Variants in SLIT1 observed in about 807,000 individuals in gnomAD.
SLIT1 encodes slit homolog 1 protein.
Under a neutral mutation model 186.1 loss-of-function variants are expected in SLIT1, and 66 were observed. That is an observed-to-expected ratio of 0.35 (90% CI 0.29 to 0.44). The LOEUF (loss-of-function observed/expected upper bound fraction) is 0.44. SLIT1 is among the 20% of genes least tolerant of loss of function. SLIT1 has a pLI of 1.00. For missense variants in SLIT1, 1,638 were observed against 2,037.4 expected (o/e 0.80, Z 3.77); for synonymous variants, 761 against 833.8 (o/e 0.91, Z 1.50).
chr10:97,031,730 G>A, intron 23 of SLIT1, 53 bp from the exon 24 acceptor site: 1 of 1,430,364 alleles, frequency 7.0e-7, no homozygotes, highest in Non-Finnish European at 9.6e-7. Flanking sequence ...TGGCCCCTGT[G>A]GGCACAGCCG....
At chr10:97,136,431 CAAT>C (rs1173995628) in intron 4 of SLIT1, among the ~76,000 whole-genome samples, 1 of 152,178 alleles carries the variant, frequency 6.6e-6, no homozygotes, top group Admixed American at 6.5e-5. Context: ...AGGTCACCAA[CAAT>C]GTGTCCATAT....
chr10:97,119,569 G>A (rs1008116032), intron 4 of SLIT1, among the ~76,000 whole-genome samples: 6 of 152,026 alleles, frequency 3.9e-5, no homozygotes, highest in African/African-American at 1.4e-4. Flanking sequence ...GGGTTGCGAC[G>A]GGGCGGTGCG....
intron 20 of SLIT1, among the ~76,000 whole-genome samples, chr10:97,042,674 T>G (rs990264387): frequency 9.2e-5 from 14 of 152,150 alleles, no homozygotes; most frequent in African/African-American, 3.4e-4. Flanking sequence ...ATCCATACTT[T>G]CCCATTTTTT....
intron 4 of SLIT1, among the ~76,000 whole-genome samples, chr10:97,075,719 C>T (rs1009179882): frequency 6.6e-5 from 10 of 152,150 alleles, no homozygotes; most frequent in Admixed American, 2.0e-4. Context: ...TCGTCATCCC[C>T]GGGAAGTTTG....
At chr10:97,100,288 C>T (rs528389447) in intron 4 of SLIT1, among the ~76,000 whole-genome samples, 1 of 152,138 alleles carries the variant, frequency 6.6e-6, no homozygotes. Flanking sequence ...GAGTGGTTCA[C>T]CTGTGTGCAG....
At position 97,167,277 on chromosome 10, in the gene SLIT1, C is replaced by A. The variant is rs192552284; in HGVS notation, c.198-2387G>T. Reference sequence around the variant, plus strand: ...TGAGCCTCACTGTGTTGCACCCCAACCTGCTCCCTCTGCACCCCGGCCTTT... The same window carrying A: ...TGAGCCTCACTGTGTTGCACCCCAAACTGCTCCCTCTGCACCCCGGCCTTT... On this transcript the variant is annotated intron_variant, in intron 1 of 36. Coordinates refer to ENST00000266058, the MANE Select transcript of SLIT1 (RefSeq NM_003061.3). Among the ~76,000 whole-genome samples the A allele has an allele frequency of 4.9e-4, 74 of 152,350 alleles. 1 individual carries two copies. The highest frequency in any genetic ancestry group is 2.1e-3 in the Admixed American group (32 of 15,308).
chr10:97,013,132 A>G (rs1848425491), intron 30 of SLIT1, among the ~76,000 whole-genome samples: 2 of 152,188 alleles, frequency 1.3e-5, no homozygotes, highest in Admixed American at 1.3e-4. Context: ...ATATTATACA[A>G]CCTGCTGGTA....
Position 97,043,247 on chromosome 10 carries a change from C to A in SLIT1, c.1997+123G>T. ...GAGGGAGACTTCGAAATGTGGAACC[C>A]ACGTTTCAGCAAACCACGAAGACCC... On this transcript the variant is annotated intron_variant, in intron 19 of 36. Coordinates refer to ENST00000266058, the MANE Select transcript of SLIT1 (RefSeq NM_003061.3). This position sits in a 1 kb window ranked among gnomAD's most constrained non-coding sequence, Gnocchi z 7.0. 1 of 1,385,382 alleles carries A rather than the reference C, an allele frequency of 7.2e-7. No homozygotes were observed. Among genetic ancestry groups the A allele is most frequent in the South Asian group, 1.3e-5 (1 of 76,928 alleles). 85.8% of individuals were successfully genotyped at this position (1,385,382 alleles called of 1,614,324 possible). A position where few individuals can be genotyped will look rare whatever the true frequency, so the allele number is the denominator to read the frequency against.
chr10:97,159,403 C>T (rs548993069), intron 3 of SLIT1, among the ~76,000 whole-genome samples: 1 of 105,322 alleles, frequency 9.5e-6, no homozygotes, highest in Non-Finnish European at 2.2e-5. Flanking sequence ...TCAATACAAT[C>T]CTTAAAGCAA....
intron 4 of SLIT1, among the ~76,000 whole-genome samples, chr10:97,080,374 C>T (rs1446284824): frequency 6.6e-6 from 1 of 152,246 alleles, no homozygotes; most frequent in East Asian, 1.9e-4. Flanking sequence ...CCCTCACTAG[C>T]ATCCCCAGCG....
At chr10:97,025,999 A>T (rs922770555) in intron 25 of SLIT1, among the ~76,000 whole-genome samples, 14 of 152,026 alleles carry the variant, frequency 9.2e-5, no homozygotes, top group African/African-American at 3.4e-4. Context: ...GTCTAAAAGC[A>T]TGAGAAAAGC....
chr10:97,145,642 G>A (rs750249425), intron 4 of SLIT1, among the ~76,000 whole-genome samples: 4 of 152,162 alleles, frequency 2.6e-5, no homozygotes, highest in East Asian at 1.9e-4. Flanking sequence ...GGCTGGACCC[G>A]AGAAGACTGA....
intron 3 of SLIT1, among the ~76,000 whole-genome samples, chr10:97,159,591 A>T (rs1849999621): frequency 6.6e-6 from 1 of 152,192 alleles, no homozygotes; most frequent in South Asian, 2.1e-4. Flanking sequence ...TGCCTAGTTT[A>T]AAATGGAAAA....
rs1183970967 is a variant in SLIT1, at chr10:97,079,406, C to T, written c.414-13320G>A. ...ATGTGGTGAGCTGTATACTCACTGG[C>T]ACACTTTTCAGAATATATGTTATAC... On this transcript the variant is annotated intron_variant, in intron 4 of 36. Transcript: ENST00000266058. Among the ~76,000 whole-genome samples the T allele has an allele frequency of 2.0e-5, 3 of 152,140 alleles. No individual in the cohort carries two copies. In the East Asian group the frequency reaches 5.8e-4, roughly 29 times the overall value.
chr10:97,159,342 T>G (rs1014425805), intron 3 of SLIT1, among the ~76,000 whole-genome samples: 3 of 152,200 alleles, frequency 2.0e-5, no homozygotes, highest in African/African-American at 7.2e-5. Flanking sequence ...AGTTTACTTT[T>G]AAGGGCAGGC....
At chr10:97,011,203 G>A in intron 30 of SLIT1, 73 bp from the exon 31 acceptor site, 2 of 1,042,898 alleles carry the variant, frequency 1.9e-6, no homozygotes, top group Non-Finnish European at 1.5e-6. Context: ...AGCGCACCAG[G>A]GATCCCCCAC....
chr10:97,008,866 A>G (rs547003220), intron 31 of SLIT1, among the ~76,000 whole-genome samples: 1 of 150,338 alleles, frequency 6.7e-6, no homozygotes, highest in Non-Finnish European at 1.5e-5. Context: ...ATTTTTTATT[A>G]TTTATTTATT....
chr10:97,034,374 G>A, intron 23 of SLIT1, 97 bp downstream of exon 23: 1 of 877,304 alleles, frequency 1.1e-6, no homozygotes, highest in Non-Finnish European at 1.9e-6. Flanking sequence ...GGCGTCTGCA[G>A]GCGAGGGATC....
Position 97,043,000 on chromosome 10 carries a change from G to A in SLIT1, c.2065C>T (p.Arg689Cys), listed in dbSNP as rs1848702946. 1.9e-6 allele frequency: 3 copies of A among 1,614,240 alleles called. No homozygotes were observed. The highest frequency in any genetic ancestry group is 2.5e-6 in the Non-Finnish European group (3 of 1,180,048). The stretch of plus-strand genomic sequence containing the variant: ...CGCGGGTTCCCCGTCACGATCTTGC[G>A]CTTCCGTAGCCAGCCTCCTAGCCAG... ...LAWLGGWLRK[R>C]KIVTGNPRCQ... Residue 689 changes from arginine to cysteine, a missense_variant, in exon 20 of 37, where the codon CGC becomes TGC. Transcript: ENST00000266058.
Sources: allele counts gnomAD v4.1 joint callset (sites outside exome capture counted in the v4.1 genomes callset), GRCh38; gene constraint gnomAD v4.1.1; non-coding constraint Gnocchi (gnomAD v3.1); transcripts MANE v1.5; gene names NCBI Gene and HGNC (gene_info 2026-07-23, HGNC 2026-07-21).